Variants in GLP1R observed in about 807,000 individuals in gnomAD.
The protein encoded by GLP1R is glucagon-like peptide 1 receptor.
GLP1R carries 32 observed loss-of-function variants against 68.4 expected under a neutral mutation model. The observed-to-expected ratio is 0.47, with a 90% CI of 0.35 to 0.63. The LOEUF (loss-of-function observed/expected upper bound fraction) is 0.63, where lower values mean the gene tolerates loss of function less well. GLP1R is among the 20% of genes least tolerant of loss of function. The probability of loss-of-function intolerance (pLI) is 0.00; values close to 1 mark genes in which losing one functional copy is unlikely to be tolerated. For missense variants in GLP1R, 502 were observed against 594.9 expected, an observed-to-expected ratio of 0.84 and a Z score of 1.62; for synonymous variants, 263 against 244.4, an observed-to-expected ratio of 1.08 and a Z score of -0.71.
chr6:39,064,634 T>G (rs1430511570), intron 3 of GLP1R, among the ~76,000 whole-genome samples: 1 of 152,142 alleles, frequency 6.6e-6, no homozygotes, highest in Non-Finnish European at 1.5e-5. Context: ...CATTTCCTCC[T>G]GGACACAAGT....
chr6:39,065,798 C>T lies in GLP1R; in HGVS notation c.371C>T (p.Ser124Leu), dbSNP rs769668902. 7.5e-6 allele frequency: 12 copies of T among 1,603,624 alleles called. No individual in the cohort carries two copies. The highest frequency in any genetic ancestry group is 2.7e-5 in the African/African-American group (2 of 74,820). The change falls in exon 4 of 13, where the codon TCG (serine) becomes TTG (leucine). Residue 124 changes from serine to leucine, a missense_variant. Transcript: ENST00000373256. ...TCCAGCCTGCCCTGGAGGGACTTGTCGGAGTGCGAGGAGTCCAAGCGAGGG... is the reference window on the plus strand; with the variant it reads ...TCCAGCCTGCCCTGGAGGGACTTGTTGGAGTGCGAGGAGTCCAAGCGAGGG... ...DNSSLPWRDLSECEESKRGER... is the reference protein window; with the variant it reads ...DNSSLPWRDLLECEESKRGER...
At position 39,079,692 on chromosome 6, in the gene GLP1R, C is replaced by G. The variant is rs1454776777; in HGVS notation, c.1172C>G (p.Thr391Ser). ...FIKLFTELSFTSFQGLMVAIL... is the reference protein window; with the variant it reads ...FIKLFTELSFSSFQGLMVAIL... The stretch of plus-strand genomic sequence containing the variant: ...AAGCTGTTTACAGAGCTCTCCTTCA[C>G]CTCCTTCCAGGTGACTTCATGCTTG... The change falls in exon 11 of 13, where the codon ACC becomes AGC. Residue 391 changes from threonine (T) to serine (S), a missense_variant. Thr to Ser is a moderately conservative substitution (Grantham distance 58, BLOSUM62 1). Transcript: ENST00000373256. This position sits in a 1 kb window ranked among gnomAD's most constrained non-coding sequence, Gnocchi z 4.5. 5 of 1,612,796 alleles carry G rather than the reference C, an allele frequency of 3.1e-6. No individual in the cohort carries two copies. Among genetic ancestry groups the G allele is most frequent in the Non-Finnish European group, 4.2e-6 (5 of 1,179,322 alleles).
At position 39,049,269 on chromosome 6, in the gene GLP1R, C is replaced by A. The variant is rs1768032543; in HGVS notation, c.78+351C>A. 6.6e-6 allele frequency among the ~76,000 whole-genome samples: 1 copy of A among 152,180 alleles called. No homozygotes were observed. Among genetic ancestry groups the A allele is most frequent in the African/African-American group, 2.4e-5 (1 of 41,442 alleles). On this transcript the variant is annotated intron_variant, in intron 1 of 12. Transcript: ENST00000373256. The surrounding 1 kb of genome is among the most constrained non-coding windows in gnomAD (Gnocchi z 4.5). ...TTTCCCAACTCCTTCTAAACCGTGTCAGCGGCCCTGGCACAGCCCGGCATC... is the reference window on the plus strand; with the variant it reads ...TTTCCCAACTCCTTCTAAACCGTGTAAGCGGCCCTGGCACAGCCCGGCATC...
Position 39,079,040 on chromosome 6 carries a change from T to C in GLP1R, c.954+14T>C, listed in dbSNP as rs200884671. On this transcript the variant is annotated intron_variant, in intron 9 of 12. Transcript: ENST00000373256. This position sits in a 1 kb window ranked among gnomAD's most constrained non-coding sequence, Gnocchi z 4.5. The stretch of plus-strand genomic sequence containing the variant: ...TTTGCCATTGGGGTGAGTGATGGTG[T>C]CAGGGATGGGAGTGGCAGCTATGAT... 1.1e-5 allele frequency: 18 copies of C among 1,613,042 alleles called. No individual in the cohort carries two copies. Among genetic ancestry groups the C allele is most frequent in the Non-Finnish European group, 1.5e-5 (18 of 1,179,148 alleles).
intron 5 of GLP1R, among the ~76,000 whole-genome samples, chr6:39,068,128 T>TA (rs1768564237): frequency 6.6e-6 from 1 of 151,884 alleles, no homozygotes; most frequent in Admixed American, 6.6e-5. Flanking sequence ...AAAATTCAAA[T>TA]AAAAAAAGAG....
At chr6:39,053,546 AG>A (rs1562002144) in intron 1 of GLP1R, among the ~76,000 whole-genome samples, 1 of 152,184 alleles carries the variant, frequency 6.6e-6, no homozygotes, top group Non-Finnish European at 1.5e-5. Flanking sequence ...TCCACTAAAC[AG>A]TAGAAATCAT....
intron 3 of GLP1R, among the ~76,000 whole-genome samples, chr6:39,062,057 G>A (rs151272702): frequency 1.1e-3 from 168 of 152,334 alleles, no homozygotes; most frequent in African/African-American, 3.8e-3. Context: ...GGGTGCAGGA[G>A]CTAATGGATT....
At chr6:39,077,060 T>C (rs370145242) in intron 7 of GLP1R, among the ~76,000 whole-genome samples, 35 of 152,282 alleles carry the variant, frequency 2.3e-4, no homozygotes, top group Middle Eastern at 6.8e-3. Context: ...CGATTAACCC[T>C]GAAACTTAGC....
At chr6:39,072,645 A>G (rs1768704654) in intron 5 of GLP1R, among the ~76,000 whole-genome samples, 1 of 152,242 alleles carries the variant, frequency 6.6e-6, no homozygotes, top group African/African-American at 2.4e-5. Flanking sequence ...AGGAGGGGGC[A>G]GTGACTACAT....
At chr6:39,051,022 G>A (rs1768074919) in intron 1 of GLP1R, among the ~76,000 whole-genome samples, 1 of 152,096 alleles carries the variant, frequency 6.6e-6, no homozygotes, top group Non-Finnish European at 1.5e-5. Flanking sequence ...TGAAGAAGGT[G>A]CCCTAGGCTA....
chr6:39,061,885 GTA>G (rs1768366205), intron 3 of GLP1R, among the ~76,000 whole-genome samples: 1 of 152,170 alleles, frequency 6.6e-6, no homozygotes, highest in Non-Finnish European at 1.5e-5. Flanking sequence ...ATGCTCTACA[GTA>G]CCCTTCACCC....
At chr6:39,069,592 C>A (rs941754876) in intron 5 of GLP1R, among the ~76,000 whole-genome samples, 1 of 150,100 alleles carries the variant, frequency 6.7e-6, no homozygotes, top group African/African-American at 2.4e-5. Flanking sequence ...GAGCAGAGAT[C>A]GTGCCACTGC....
intron 7 of GLP1R, among the ~76,000 whole-genome samples, chr6:39,076,216 G>A (rs2268645): frequency 0.068 from 10,397 of 152,176 alleles, 502 homozygotes; most frequent in East Asian, 0.21. Context: ...TCAGGAAATC[G>A]GCATGCTCTT....
Position 39,049,025 on chromosome 6 carries a change from C to A in GLP1R, c.78+107C>A. On this transcript the variant is annotated intron_variant, in intron 1 of 12. Coordinates refer to ENST00000373256, the MANE Select transcript of GLP1R (RefSeq NM_002062.5). This position sits in a 1 kb window ranked among gnomAD's most constrained non-coding sequence, Gnocchi z 4.5. The stretch of plus-strand genomic sequence containing the variant: ...CGGGACTTGAACGAAACTCCGAGAC[C>A]GCTGGCGGGGGCATCCGAAAGCCTC... The A allele has an allele frequency of 2.0e-6, 1 of 506,176 alleles. No individual in the cohort carries two copies. The highest frequency in any genetic ancestry group is 3.5e-5 in the East Asian group (1 of 28,250). The allele number at this position is 506,176 out of a possible 1,614,324, so 31.4% of individuals were successfully genotyped here.
intron 7 of GLP1R, among the ~76,000 whole-genome samples, chr6:39,077,541 CCA>C (rs1356003887): frequency 6.6e-6 from 1 of 152,178 alleles, no homozygotes; most frequent in African/African-American, 2.4e-5. Flanking sequence ...GCAAAACAAG[CCA>C]CAGTGTCTTT....
At chr6:39,078,223 G>A (rs1255160533) in intron 7 of GLP1R, 99 bp from the exon 8 acceptor site, 5 of 853,432 alleles carry the variant, frequency 5.9e-6, no homozygotes, top group African/African-American at 1.7e-5. Context: ...GAGAGGGGCT[G>A]GAAGTGTGAG....
At chr6:39,058,392 C>G (rs1768270498) in intron 3 of GLP1R, among the ~76,000 whole-genome samples, 1 of 152,146 alleles carries the variant, frequency 6.6e-6, no homozygotes. Flanking sequence ...TCACTCCTGC[C>G]TGCAAGGGGG....
chr6:39,085,726 T>C (rs527993586), intron 12 of GLP1R, among the ~76,000 whole-genome samples, 180 bp from the exon 13 acceptor site: 2 of 152,158 alleles, frequency 1.3e-5, no homozygotes, highest in South Asian at 4.1e-4. Context: ...CTGCAGAAAA[T>C]AGGAGACAAC....
chr6:39,080,227 G>A (rs1320749100), intron 11 of GLP1R, among the ~76,000 whole-genome samples: 1 of 152,132 alleles, frequency 6.6e-6, no homozygotes, highest in Non-Finnish European at 1.5e-5. Flanking sequence ...GCACACATGT[G>A]GGCTCATGTG....
Sources: gnomAD v4.1 joint callset for allele counts (sites outside exome capture counted in the v4.1 genomes callset) on GRCh38, gnomAD v4.1.1 for gene constraint, Gnocchi (gnomAD v3.1) non-coding constraint, MANE v1.5 for transcripts, NCBI Gene and HGNC (gene_info 2026-07-23, HGNC 2026-07-21) for gene names.